The following SPEF2 variants were observed in gnomAD, a reference collection of about 807,000 sequenced individuals.
SPEF2 encodes sperm flagella and cilia-associated protein 2.
A neutral mutation model predicts 224.6 loss-of-function variants in SPEF2; 187 were observed. The observed-to-expected ratio is 0.83, with a 90% confidence interval of 0.74 to 0.94. SPEF2 has a LOEUF of 0.94. SPEF2 is among the 40% of genes least tolerant of loss of function. The pLI, the probability that SPEF2 is intolerant of heterozygous loss-of-function variation, is 0.00. For synonymous variants in SPEF2, 715 were observed against 707.3 expected, an observed-to-expected ratio of 1.01 and a Z score of -0.17; for missense variants, 2,170 against 2,135.6, an observed-to-expected ratio of 1.02 and a Z score of -0.32.
intron 23 of SPEF2, 35 bp downstream of exon 23, chr5:35,740,302 C>G: frequency 6.2e-7 from 1 of 1,610,454 alleles, no homozygotes; most frequent in Non-Finnish European, 8.5e-7. Context: ...ACAGGGTTAG[C>G]TGGCTTTCAT....
At position 35,771,757 on chromosome 5, in the gene SPEF2, G is replaced by GT; in HGVS notation, c.3949+2dup. 6.3e-7 allele frequency: 1 copy of GT among 1,586,120 alleles called. No homozygotes were observed. The highest frequency in any genetic ancestry group is 8.5e-7 in the Non-Finnish European group (1 of 1,173,016). On this transcript the variant is annotated splice_donor_variant, in intron 27 of 36. Transcript: ENST00000356031. LOFTEE classifies it high-confidence loss of function. ...AAACAGGAAGACAAAAAACCCAAAG[G>GT]TATTTATGGTTTTAGCACTCAGAAC...
At chr5:35,806,472 G>T (rs750274822) in intron 34 of SPEF2, among the ~76,000 whole-genome samples, 31 of 152,168 alleles carry the variant, frequency 2.0e-4, no homozygotes, top group Non-Finnish European at 4.3e-4. Flanking sequence ...AAGTTGTGTA[G>T]GACACACCCC....
chr5:35,808,154 C>T (rs140559177), intron 36 of SPEF2: 12 of 984,840 alleles, frequency 1.2e-5, no homozygotes, highest in Non-Finnish European at 1.4e-5. Context: ...TGTGCCTAAA[C>T]GTTTTTGTTC....
intron 1 of SPEF2, 102 bp downstream of exon 1, chr5:35,618,157 G>C: frequency 1.5e-6 from 2 of 1,315,330 alleles, no homozygotes; most frequent in Non-Finnish European, 2.1e-6. Flanking sequence ...CAGGGCGCGA[G>C]CTGCACAGGT....
chr5:35,695,913 G>T, intron 14 of SPEF2, 117 bp downstream of exon 14: 1 of 674,210 alleles, frequency 1.5e-6, no homozygotes, highest in Non-Finnish European at 2.4e-6. Flanking sequence ...TGGTTTCAAA[G>T]TTAATTTGAT....
At chr5:35,767,631 T>C (rs1324297582) in intron 26 of SPEF2, among the ~76,000 whole-genome samples, 1 of 151,860 alleles carries the variant, frequency 6.6e-6, no homozygotes, top group Non-Finnish European at 1.5e-5. Flanking sequence ...GCAGAAAAAA[T>C]ATTCAGGACA....
chr5:35,796,568 C>T (rs928416511), intron 33 of SPEF2, among the ~76,000 whole-genome samples: 12 of 150,364 alleles, frequency 8.0e-5, no homozygotes, highest in Admixed American at 7.3e-4. Context: ...GCCGAGATAG[C>T]GCCACTGCAG....
chr5:35,641,502 A>T lies in SPEF2; in HGVS notation c.233A>T (p.Asp78Val), dbSNP rs200696615. The T allele has an allele frequency of 6.2e-6, 10 of 1,613,818 alleles. No homozygotes were observed. The highest frequency in any genetic ancestry group is 7.6e-6 in the Non-Finnish European group (9 of 1,179,828). ...CTTAACCTTCTGGGTGTGCAGTTTG[A>T]TCAGAATGTGGCCCATGGCATCATC... ...PTLNLLGVQF[D>V]QNVAHGIITE... is the part of the protein sequence containing the mutation. The change falls in exon 3 of 37, where the codon GAT (aspartate) becomes GTT (valine). Residue 78 changes from aspartate (D) to valine (V), a missense_variant. Transcript: ENST00000356031.
rs542901220 is a variant in SPEF2, at chr5:35,668,018, A to G, written c.1355+759A>G. 3.9e-5 allele frequency among the ~76,000 whole-genome samples: 6 copies of G among 152,264 alleles called. No individual in the cohort carries two copies. The South Asian group carries it at 1.2e-3, about 32-fold the overall frequency. On this transcript the variant is annotated intron_variant, in intron 9 of 36. Coordinates refer to ENST00000356031, the MANE Select transcript of SPEF2 (RefSeq NM_024867.4). ...TTTTAAAAAAATGAAAACACCAAAT[A>G]CTGGCAAGGATCTGGAGAAAACCAC...
chr5:35,793,445 G>A, intron 32 of SPEF2, 104 bp downstream of exon 32: 1 of 1,154,878 alleles, frequency 8.7e-7, no homozygotes, highest in African/African-American at 1.6e-5. Context: ...CCAGTGCATT[G>A]CTTCTCAGCT....
In SPEF2 at chr5:35,740,036, T is replaced by A; in HGVS notation, c.3181T>A (p.Tyr1061Asn). 6.2e-7 allele frequency: 1 copy of A among 1,614,144 alleles called. No individual in the cohort carries two copies. Reference sequence around the variant, plus strand: ...CCAGCATACTGTGCTTGCTTACTTATATGAGATTAGGTAAGTAATGTTTCC... The same window carrying A: ...CCAGCATACTGTGCTTGCTTACTTAAATGAGATTAGGTAAGTAATGTTTCC... ...EDQHTVLAYL[Y>N]EIRTSFQEFL... is the part of the protein sequence containing the mutation. Residue 1061 changes from tyrosine (Y) to asparagine (N), a missense_variant, in exon 22 of 37, where the codon TAT (tyrosine) becomes AAT (asparagine). By Grantham distance (143) the Tyr-to-Asn change is moderately radical. Transcript: ENST00000356031.
chr5:35,765,760 C>G (rs1752008749), intron 26 of SPEF2, among the ~76,000 whole-genome samples: 1 of 152,114 alleles, frequency 6.6e-6, no homozygotes, highest in Non-Finnish European at 1.5e-5. Flanking sequence ...TGTCAAGATT[C>G]ACAAAAATGT....
Position 35,809,190 on chromosome 5 carries a change from G to T in SPEF2, c.5379+1937G>T, listed in dbSNP as rs946292719. Among the ~76,000 whole-genome samples, 5 of 151,944 alleles carry T rather than the reference G, an allele frequency of 3.3e-5. No individual in the cohort carries two copies. In the East Asian group the frequency reaches 9.6e-4, roughly 29 times the overall value. ...TGCTACAGAAATGATGGCTGTTAGG[G>T]GTACTATTCAATACTGATCACCTAC... is the stretch of plus-strand genomic sequence containing the variant. On this transcript the variant is annotated intron_variant, in intron 36 of 36. Coordinates refer to ENST00000356031, the MANE Select transcript of SPEF2 (RefSeq NM_024867.4).
Position 35,792,320 on chromosome 5 carries a change from T to C in SPEF2, c.4448-20T>C. On this transcript the variant is annotated intron_variant, in intron 30 of 36. Transcript: ENST00000356031. ...CCATCACCTAAACCAAGTGACAAAA[T>C]ATTTTTCATTGTATTATAGGCATAA... The C allele has an allele frequency of 6.3e-7, 1 of 1,588,676 alleles. No individual in the cohort carries two copies. The highest frequency in any genetic ancestry group is 8.6e-7 in the Non-Finnish European group (1 of 1,165,062).
intron 10 of SPEF2, among the ~76,000 whole-genome samples, chr5:35,686,311 T>A (rs1436825525): frequency 6.6e-6 from 1 of 152,142 alleles, no homozygotes; most frequent in Non-Finnish European, 1.5e-5. Flanking sequence ...TAATTCCAAA[T>A]AATCTTAAAA....
At chr5:35,659,812 A>G (rs1042438486) in intron 8 of SPEF2, among the ~76,000 whole-genome samples, 6 of 151,922 alleles carry the variant, frequency 3.9e-5, no homozygotes, top group Non-Finnish European at 5.9e-5. Flanking sequence ...TTCTAGGTAA[A>G]TATCCTCAGG....
chr5:35,635,135 T>A (rs572744989), intron 2 of SPEF2, among the ~76,000 whole-genome samples: 2 of 152,196 alleles, frequency 1.3e-5, no homozygotes, highest in Non-Finnish European at 2.9e-5. Context: ...TTTTTTTTCC[T>A]CCTCTGAATA....
At chr5:35,718,147 C>A (rs1363518329) in intron 20 of SPEF2, among the ~76,000 whole-genome samples, 1 of 152,128 alleles carries the variant, frequency 6.6e-6, no homozygotes, top group East Asian at 1.9e-4. Context: ...GAGAGGTAGG[C>A]CAAAACCCCA....
chr5:35,740,228 T>C lies in SPEF2; in HGVS notation c.3291T>C (p.Asp1097=). The C allele has an allele frequency of 6.2e-7, 1 of 1,614,108 alleles. No individual in the cohort carries two copies. The highest frequency in any genetic ancestry group is 8.5e-7 in the Non-Finnish European group (1 of 1,180,018). The stretch of plus-strand genomic sequence containing the variant: ...ACTCCCTTCCTGATGACCTGTGGGA[T>C]GATGAGGAAACAAAGGCTGAACTAC... ...DFNSLPDDLW[D]DEETKAELHQ... The change falls in exon 23 of 37, where the codon GAT becomes GAC. Residue 1097 remains aspartate (D), a synonymous_variant. Coordinates refer to ENST00000356031, the MANE Select transcript of SPEF2 (RefSeq NM_024867.4).
Sources: gnomAD v4.1 joint callset for allele counts (sites outside exome capture counted in the v4.1 genomes callset) on GRCh38, gnomAD v4.1.1 for gene constraint, MANE v1.5 for transcripts, NCBI Gene and HGNC (gene_info 2026-07-23, HGNC 2026-07-21) for gene names.